EZH2: variants seen among roughly 807,000 people sequenced by gnomAD.
EZH2 encodes the protein histone-lysine N-methyltransferase EZH2.
A neutral mutation model predicts 98.4 loss-of-function variants in EZH2; 18 were observed. The ratio of observed to expected loss-of-function variants is 0.18; its 90% CI spans 0.13 to 0.27. EZH2 has a LOEUF of 0.27. Ranked by LOEUF, EZH2 falls within the 10% of genes least tolerant of loss-of-function variation. The probability of loss-of-function intolerance (pLI) is 1.00; values close to 1 mark genes in which losing one functional copy is unlikely to be tolerated. For synonymous variants in EZH2, 338 were observed against 312.3 expected, an observed-to-expected ratio of 1.08 and a Z score of -0.87; for missense variants, 470 against 935.1, an observed-to-expected ratio of 0.50 and a Z score of 6.49.
intron 13 of EZH2, 123 bp from the exon 14 acceptor site, chr7:148,815,162 T>A: frequency 8.2e-7 from 1 of 1,222,596 alleles, no homozygotes; most frequent in Non-Finnish European, 1.1e-6. Context: ...CTTTACTGAA[T>A]GCATAACATT....
At chr7:148,840,301 A>G (rs1405985371) in intron 3 of EZH2, among the ~76,000 whole-genome samples, 11 of 152,246 alleles carry the variant, frequency 7.2e-5, no homozygotes, top group Admixed American at 7.2e-4. Context: ...GAATGGGGCA[A>G]TAAATTATGG....
intron 1 of EZH2, among the ~76,000 whole-genome samples, chr7:148,857,186 G>C (rs1002481789): frequency 6.6e-6 from 1 of 152,158 alleles, no homozygotes; most frequent in Non-Finnish European, 1.5e-5. Context: ...CAAAACATCT[G>C]ACCAATACAC....
intron 3 of EZH2, among the ~76,000 whole-genome samples, chr7:148,845,851 T>C (rs1813874833): frequency 6.6e-6 from 1 of 152,216 alleles, no homozygotes; most frequent in African/African-American, 2.4e-5. Context: ...ATTTAGACTT[T>C]TGCCATTTTC....
chr7:148,818,175 G>T, intron 9 of EZH2, 58 bp from the exon 10 acceptor site: 1 of 1,478,586 alleles, frequency 6.8e-7, no homozygotes, highest in South Asian at 1.5e-5. Flanking sequence ...TTTGATGGAA[G>T]AGAAAAAAAA....
chr7:148,811,569 ATAAAG>A lies in EZH2; in HGVS notation c.1947+51_1947+55del, dbSNP rs564846060. Reference sequence around the variant, plus strand: ...ACTTACCTAATAAAATCAATCTAAAATAAAGTAAAGTTAGTATATACAATGCCACC... The same window carrying A: ...ACTTACCTAATAAAATCAATCTAAAATAAAGTTAGTATATACAATGCCACC... On this transcript the variant is annotated intron_variant, in intron 16 of 19. Transcript: ENST00000320356. The A allele has an allele frequency of 3.5e-4, 484 of 1,384,454 alleles. 1 individual carries two copies. Among genetic ancestry groups the A allele is most frequent in the Middle Eastern group, 3.1e-3 (17 of 5,566 alleles). The allele number at this position is 1,384,454 out of a possible 1,614,324, so 85.8% of individuals were successfully genotyped here. A position where few individuals can be genotyped will look rare whatever the true frequency, so the allele number is the denominator to read the frequency against.
intron 1 of EZH2, chr7:148,876,023 G>A (rs185423771): frequency 4.9e-4 from 74 of 152,284 alleles, no homozygotes; most frequent in African/African-American, 1.7e-3. Flanking sequence ...TGTTAGCTGG[G>A]CATGGTGGTA....
rs6954744 is a variant in EZH2 at position 148,819,637 on chromosome 7, G to C, written c.958C>G (p.Leu320Val). ...TYKRKNTETALDNKPCGPQCY... is the reference protein window; with the variant it reads ...TYKRKNTETAVDNKPCGPQCY... ...TGTGGTCCACAAGGTTTGTTGTCTAGAGCTGTTTCTGTGTTCTTCCGCTTA... is the reference window on the plus strand; with the variant it reads ...TGTGGTCCACAAGGTTTGTTGTCTACAGCTGTTTCTGTGTTCTTCCGCTTA... The change falls in exon 9 of 20, where the codon CTA (leucine) becomes GTA (valine). Residue 320 changes from leucine (L) to valine (V), a missense_variant. Physicochemically the swap from Leu to Val is conservative, Grantham distance 32 (BLOSUM62 1). Coordinates refer to ENST00000320356, the MANE Select transcript of EZH2 (RefSeq NM_004456.5). 1.9e-6 allele frequency: 3 copies of C among 1,614,008 alleles called. No individual in the cohort carries two copies. Among genetic ancestry groups the C allele is most frequent in the African/African-American group, 2.7e-5 (2 of 74,928 alleles).
chr7:148,867,476 G>A (rs1019066470), intron 1 of EZH2, among the ~76,000 whole-genome samples: 3 of 152,160 alleles, frequency 2.0e-5, no homozygotes, highest in Non-Finnish European at 2.9e-5. Flanking sequence ...AGAGAAACTG[G>A]TTTTCTGAGT....
In EZH2 at chr7:148,828,869, T is replaced by A. The variant is rs759313335; in HGVS notation, c.496A>T (p.Ile166Leu). Reference protein sequence around the residue: ...KVHGDRECGFINDEIFVELVN... With the variant: ...KVHGDRECGFLNDEIFVELVN... ...AACTCCACAAAAATTTCATCATTTA[T>A]AAACCCACATTCTGAAACGCATCAA... Residue 166 changes from isoleucine (I) to leucine (L), a missense_variant, in exon 6 of 20, where the codon ATA (isoleucine) becomes TTA (leucine). Coordinates refer to ENST00000320356, the MANE Select transcript of EZH2 (RefSeq NM_004456.5). 2 of 1,610,370 alleles carry A rather than the reference T, an allele frequency of 1.2e-6. No homozygotes were observed. The highest frequency in any genetic ancestry group is 1.7e-6 in the Non-Finnish European group (2 of 1,177,990).
chr7:148,866,604 T>TA (rs1214308684), intron 1 of EZH2, among the ~76,000 whole-genome samples: 2 of 127,562 alleles, frequency 1.6e-5, no homozygotes, highest in African/African-American at 5.7e-5. Flanking sequence ...CACTATATAT[T>TA]ATATATAATA....
rs1801784500 is a variant in EZH2 at position 148,807,517 on chromosome 7, A to G, written c.*129T>C. 5 of 749,188 alleles carry G rather than the reference A, an allele frequency of 6.7e-6. No homozygotes were observed. In the Middle Eastern group the frequency reaches 1.1e-3, roughly 158 times the overall value. The allele number at this position is 749,188 out of a possible 1,614,324, so 46.4% of individuals were successfully genotyped here. Reference sequence around the variant, plus strand: ...TTGATTTTTAAACTCATTACTATAAATTATTCTTACAGTACTTTGCAAATT... The same window carrying G: ...TTGATTTTTAAACTCATTACTATAAGTTATTCTTACAGTACTTTGCAAATT... On this transcript the variant is annotated 3_prime_UTR_variant, in exon 20 of 20. Coordinates refer to ENST00000320356, the MANE Select transcript of EZH2 (RefSeq NM_004456.5).
intron 19 of EZH2, 28 bp from the exon 20 acceptor site, chr7:148,807,734 T>A (rs1165050662): frequency 6.5e-7 from 1 of 1,542,940 alleles, no homozygotes; most frequent in Admixed American, 1.9e-5. Flanking sequence ...AGATGTCCGC[T>A]GGATGGCCAC....
chr7:148,818,759 A>C (rs1805247058), intron 9 of EZH2, among the ~76,000 whole-genome samples: 1 of 152,202 alleles, frequency 6.6e-6, no homozygotes, highest in East Asian at 1.9e-4. Context: ...AAGTACAATA[A>C]TCCAGTCTCA....
intron 1 of EZH2, among the ~76,000 whole-genome samples, chr7:148,856,623 G>T (rs1470487727): frequency 6.6e-6 from 1 of 152,222 alleles, no homozygotes; most frequent in East Asian, 1.9e-4. Context: ...TTGGGACAGG[G>T]AAACTACAAG....
chr7:148,871,961 C>A (rs999436531), intron 1 of EZH2, among the ~76,000 whole-genome samples: 1 of 152,120 alleles, frequency 6.6e-6, no homozygotes, highest in African/African-American at 2.4e-5. Flanking sequence ...GTTCAATGGG[C>A]AACCATATAT....
intron 1 of EZH2, among the ~76,000 whole-genome samples, chr7:148,857,355 A>G (rs1816980938): frequency 6.6e-6 from 1 of 152,238 alleles, no homozygotes; most frequent in African/African-American, 2.4e-5. Flanking sequence ...TAGTGGAATA[A>G]CTGGCAAAAT....
At chr7:148,857,100 C>T (rs987232086) in intron 1 of EZH2, among the ~76,000 whole-genome samples, 2 of 152,240 alleles carry the variant, frequency 1.3e-5, no homozygotes, top group Admixed American at 1.3e-4. Flanking sequence ...TGGTATCCTT[C>T]CCCCAGACCT....
chr7:148,838,918 G>T (rs929432292), intron 3 of EZH2, among the ~76,000 whole-genome samples: 4 of 152,092 alleles, frequency 2.6e-5, no homozygotes, highest in Non-Finnish European at 5.9e-5. Flanking sequence ...CAGGTGTGGT[G>T]GTGCATGCCT....
chr7:148,861,330 G>A (rs1213209190), intron 1 of EZH2, among the ~76,000 whole-genome samples: 2 of 151,354 alleles, frequency 1.3e-5, no homozygotes, highest in Admixed American at 6.6e-5. Context: ...GGGTTCAAGC[G>A]ATTCTCCTGT....
Sources: allele counts gnomAD v4.1 joint callset (sites outside exome capture counted in the v4.1 genomes callset), GRCh38; gene constraint gnomAD v4.1.1; transcripts MANE v1.5; gene names NCBI Gene and HGNC (gene_info 2026-07-23, HGNC 2026-07-21).